The following KCNH8 variants were observed in gnomAD, a reference collection of about 807,000 sequenced individuals.
KCNH8 encodes the protein voltage-gated delayed rectifier potassium channel KCNH8.
Under a neutral mutation model 103.6 loss-of-function variants are expected in KCNH8, and 70 were observed. The observed-to-expected ratio is 0.68, with a 90% CI of 0.56 to 0.82. The LOEUF is 0.82. Ranked by LOEUF, KCNH8 falls within the 40% of genes least tolerant of loss-of-function variation. The pLI is 0.00. For missense variants in KCNH8, 1,217 were observed against 1,329.9 expected (o/e 0.92, Z 1.32); for synonymous variants, 498 against 489.4 (o/e 1.02, Z -0.23).
chr3:19,227,735 C>T (rs2063947607), intron 1 of KCNH8, among the ~76,000 whole-genome samples: 1 of 152,106 alleles, frequency 6.6e-6, no homozygotes, highest in Non-Finnish European at 1.5e-5. Context: ...CATGTGGTCG[C>T]AGCAATTGTG....
intron 7 of KCNH8, among the ~76,000 whole-genome samples, chr3:19,416,397 C>G (rs2066863812): frequency 6.6e-6 from 1 of 152,112 alleles, no homozygotes; most frequent in South Asian, 2.1e-4. Flanking sequence ...CTACAGTGTT[C>G]AGTTTGTGTT....
intron 3 of KCNH8, among the ~76,000 whole-genome samples, chr3:19,293,205 G>A (rs538442474): frequency 1.3e-5 from 2 of 152,142 alleles, no homozygotes; most frequent in Non-Finnish European, 2.9e-5. Context: ...ATGGAGACAG[G>A]GTAAAGTTCA....
chr3:19,333,000 A>C (rs1327752604), intron 3 of KCNH8, among the ~76,000 whole-genome samples: 3 of 152,034 alleles, frequency 2.0e-5, no homozygotes, highest in African/African-American at 7.2e-5. Context: ...GCACATCTTC[A>C]CCAGAATTTG....
At chr3:19,197,704 T>C (rs1478564256) in intron 1 of KCNH8, among the ~76,000 whole-genome samples, 1 of 152,016 alleles carries the variant, frequency 6.6e-6, no homozygotes. Flanking sequence ...AGAGTTCCTA[T>C]GTAATTGGAT....
intron 6 of KCNH8, among the ~76,000 whole-genome samples, chr3:19,394,184 A>G (rs577454416): frequency 6.6e-6 from 1 of 152,160 alleles, no homozygotes; most frequent in Admixed American, 6.6e-5. Context: ...TGACATCAAG[A>G]AGTTTGTCAA....
intron 3 of KCNH8, among the ~76,000 whole-genome samples, chr3:19,338,544 T>G (rs1045422403): frequency 6.6e-6 from 1 of 152,064 alleles, no homozygotes; most frequent in African/African-American, 2.4e-5. Context: ...TTACAAATCA[T>G]TATATACCCC....
rs1471562107 is a variant in KCNH8 at position 19,373,071 on chromosome 3, T to C, written c.812-17410T>C. On this transcript the variant is annotated intron_variant, in intron 5 of 15. Coordinates refer to ENST00000328405, the MANE Select transcript of KCNH8 (RefSeq NM_144633.3). ...CATCAAGGATATTGGTCTAAAATTC[T>C]CTTTTTTGGTTGTGTCTGTGCCCGG... is the stretch of plus-strand genomic sequence containing the variant. Among the ~76,000 whole-genome samples, 4 of 152,098 alleles carry C rather than the reference T, an allele frequency of 2.6e-5. No individual in the cohort carries two copies. In the East Asian group the frequency reaches 7.7e-4, roughly 29 times the overall value.
chr3:19,476,809 C>G (rs1214139539), intron 11 of KCNH8, among the ~76,000 whole-genome samples: 1 of 152,138 alleles, frequency 6.6e-6, no homozygotes, highest in Non-Finnish European at 1.5e-5. Context: ...CCCTCAAAAT[C>G]ATCCTGCATT....
chr3:19,513,356 G>A (rs114214436), intron 13 of KCNH8, 31 bp downstream of exon 13: 40,077 of 1,547,440 alleles, frequency 0.026, 650 homozygotes, highest in Non-Finnish European at 0.027. Flanking sequence ...ACTTTCTCAC[G>A]TGAACGTGGC....
intron 12 of KCNH8, 100 bp from the exon 13 acceptor site, chr3:19,512,870 A>C: frequency 1.9e-6 from 2 of 1,037,212 alleles, no homozygotes; most frequent in Non-Finnish European, 2.9e-6. Flanking sequence ...GTAAGTCTCT[A>C]AGAGATTTGA....
intron 12 of KCNH8, among the ~76,000 whole-genome samples, chr3:19,512,492 T>C (rs1237308098): frequency 6.6e-6 from 1 of 152,200 alleles, no homozygotes; most frequent in Admixed American, 6.5e-5. Flanking sequence ...GAAAGCTTTT[T>C]ATTCTCAAGA....
chr3:19,367,908 T>TG (rs1013903916), intron 5 of KCNH8, among the ~76,000 whole-genome samples: 2 of 152,108 alleles, frequency 1.3e-5, no homozygotes, highest in Admixed American at 1.3e-4. Flanking sequence ...CCTTTACTGT[T>TG]GGCTTACAAG....
intron 11 of KCNH8, among the ~76,000 whole-genome samples, chr3:19,502,936 C>T (rs372727370): frequency 6.6e-6 from 1 of 151,170 alleles, no homozygotes; most frequent in African/African-American, 2.4e-5. Context: ...TGGGATCTAA[C>T]TAAACTAAAG....
chr3:19,431,211 C>T (rs1403526169), intron 7 of KCNH8, among the ~76,000 whole-genome samples: 1 of 152,138 alleles, frequency 6.6e-6, no homozygotes, highest in Non-Finnish European at 1.5e-5. Flanking sequence ...TGATATTTAT[C>T]AAAAGACTTC....
chr3:19,261,517 T>G (rs1333505632), intron 2 of KCNH8, among the ~76,000 whole-genome samples: 1 of 151,914 alleles, frequency 6.6e-6, no homozygotes, highest in Non-Finnish European at 1.5e-5. Context: ...ATGTGTGGTT[T>G]GAAATTTTTT....
intron 1 of KCNH8, among the ~76,000 whole-genome samples, chr3:19,213,184 G>A (rs559499385): frequency 6.6e-6 from 1 of 152,208 alleles, no homozygotes; most frequent in South Asian, 2.1e-4. Context: ...TTGCCTTTAC[G>A]AGTAATCTAT....
intron 11 of KCNH8, among the ~76,000 whole-genome samples, chr3:19,506,559 C>T (rs899817263): frequency 5.9e-5 from 9 of 152,146 alleles, no homozygotes; most frequent in African/African-American, 2.2e-4. Context: ...TGCTCCCTCT[C>T]AGTGCTCTGA....
At chr3:19,394,504 A>C (rs969258691) in intron 6 of KCNH8, among the ~76,000 whole-genome samples, 2 of 152,014 alleles carry the variant, frequency 1.3e-5, no homozygotes, top group Non-Finnish European at 2.9e-5. Flanking sequence ...AGAGAGAGAG[A>C]GAGCGAGCTT....
At chr3:19,497,309 C>G (rs1324807074) in intron 11 of KCNH8, among the ~76,000 whole-genome samples, 1 of 152,028 alleles carries the variant, frequency 6.6e-6, no homozygotes, top group African/African-American at 2.4e-5. Context: ...TTTGCTCTTG[C>G]TTCTCTAGTT....
Sources: gnomAD v4.1 joint callset for allele counts (sites outside exome capture counted in the v4.1 genomes callset) on GRCh38, gnomAD v4.1.1 for gene constraint, MANE v1.5 for transcripts, NCBI Gene and HGNC (gene_info 2026-07-23, HGNC 2026-07-21) for gene names.